NEK7: variants seen among roughly 807,000 people sequenced by gnomAD.
NEK7 encodes the protein serine/threonine-protein kinase Nek7.
A neutral mutation model predicts 44.6 loss-of-function variants in NEK7; 18 were observed. That is an observed-to-expected ratio of 0.40 (90% CI 0.28 to 0.60). The LOEUF is 0.60. Among genes scored for constraint, NEK7 ranks in the 20% least tolerant of loss-of-function variants. The pLI is 0.38. For synonymous variants in NEK7, 130 were observed against 121.1 expected (o/e 1.07, Z -0.48); for missense variants, 256 against 366.5 (o/e 0.70, Z 2.46).
intron 9 of NEK7, among the ~76,000 whole-genome samples, chr1:198,315,024 C>T (rs1166461715): frequency 2.0e-5 from 3 of 152,178 alleles, no homozygotes; most frequent in African/African-American, 7.2e-5. Context: ...GGGCGCCCCT[C>T]CCCCAGCCTC....
chr1:198,167,617 C>T (rs1425378389), intron 1 of NEK7, among the ~76,000 whole-genome samples: 1 of 152,188 alleles, frequency 6.6e-6, no homozygotes, highest in African/African-American at 2.4e-5. Context: ...CAAAATTTCT[C>T]TCAACTGGGT....
chr1:198,218,576 C>A (rs1338042966), intron 1 of NEK7, among the ~76,000 whole-genome samples: 2 of 151,274 alleles, frequency 1.3e-5, no homozygotes, highest in African/African-American at 4.9e-5. Flanking sequence ...TAAATGGGAC[C>A]AAATTAAATT....
intron 1 of NEK7, among the ~76,000 whole-genome samples, chr1:198,183,074 T>A (rs1164846312): frequency 3.3e-5 from 5 of 152,192 alleles, no homozygotes; most frequent in African/African-American, 1.2e-4. Context: ...TGGGCCAGTT[T>A]GGCAGAAATA....
intron 4 of NEK7, 38 bp from the exon 5 acceptor site, chr1:198,264,087 A>G (rs1365140334): frequency 3.2e-6 from 5 of 1,557,806 alleles, no homozygotes; most frequent in Non-Finnish European, 4.3e-6. Flanking sequence ...GGATATTTAC[A>G]GTAAGAAAAC....
intron 7 of NEK7, among the ~76,000 whole-genome samples, chr1:198,279,430 A>T (rs946690064): frequency 5.9e-5 from 9 of 151,998 alleles, no homozygotes; most frequent in Non-Finnish European, 1.2e-4. Flanking sequence ...TAGTTTGTAA[A>T]TTTTTATTTA....
intron 3 of NEK7, among the ~76,000 whole-genome samples, chr1:198,262,004 C>T (rs1279403362): frequency 6.6e-6 from 1 of 151,790 alleles, no homozygotes; most frequent in Non-Finnish European, 1.5e-5. Context: ...TTTTCACCCC[C>T]TTGGAATGAT....
intron 9 of NEK7, among the ~76,000 whole-genome samples, chr1:198,298,147 A>G (rs2103015652): frequency 6.6e-6 from 1 of 152,334 alleles, no homozygotes; most frequent in Non-Finnish European, 1.5e-5. Flanking sequence ...AGGACATCGC[A>G]CCTTCTCATG....
At chr1:198,223,430 T>G (rs991187848) in intron 1 of NEK7, among the ~76,000 whole-genome samples, 1 of 152,224 alleles carries the variant, frequency 6.6e-6, no homozygotes, top group Non-Finnish European at 1.5e-5. Context: ...AGAGTATTAT[T>G]CTTATCAAAT....
chr1:198,255,194 T>G (rs534013588), intron 3 of NEK7, among the ~76,000 whole-genome samples: 2 of 152,268 alleles, frequency 1.3e-5, no homozygotes, highest in Admixed American at 1.3e-4. Context: ...ACAGAGGAAT[T>G]TGAACCGTAG....
chr1:198,237,398 C>T (rs1447142615), intron 2 of NEK7, among the ~76,000 whole-genome samples: 1 of 152,040 alleles, frequency 6.6e-6, no homozygotes, highest in Non-Finnish European at 1.5e-5. Flanking sequence ...TAATGCTGCC[C>T]AAACTGAATT....
intron 2 of NEK7, among the ~76,000 whole-genome samples, chr1:198,246,688 T>C (rs999960523): frequency 6.6e-6 from 1 of 152,274 alleles, no homozygotes; most frequent in Non-Finnish European, 1.5e-5. Flanking sequence ...AAGACTTTGC[T>C]CTCAGCATGC....
Position 198,311,280 on chromosome 1 carries a change from A to G in NEK7, c.799-8132A>G, listed in dbSNP as rs565405254. Among the ~76,000 whole-genome samples, 289 of 107,130 alleles carry G rather than the reference A, an allele frequency of 2.7e-3. 1 individual carries two copies. The highest frequency in any genetic ancestry group is 0.014 in the African/African-American group (271 of 19,920). The allele number at this position is 107,130 out of a possible 152,430, so 70.3% of individuals were successfully genotyped here. On this transcript the variant is annotated intron_variant, in intron 9 of 9. Transcript: ENST00000367385. ...ATAAGAATGCTTGTGATTTTTGTAC[A>G]TTGATTTTGTATCCTGAGACTTTGC...
chr1:198,157,961 A>G (rs888431396), intron 1 of NEK7, among the ~76,000 whole-genome samples: 1 of 152,218 alleles, frequency 6.6e-6, no homozygotes, highest in Non-Finnish European at 1.5e-5. Context: ...GCCAAAGGAA[A>G]ACAGAGAAAA....
At chr1:198,180,932 A>G (rs1234842407) in intron 1 of NEK7, among the ~76,000 whole-genome samples, 1 of 152,086 alleles carries the variant, frequency 6.6e-6, no homozygotes, top group Non-Finnish European at 1.5e-5. Context: ...TACATTCATA[A>G]TATGATTGAC....
chr1:198,306,212 C>G (rs1382894546), intron 9 of NEK7, among the ~76,000 whole-genome samples: 1 of 151,572 alleles, frequency 6.6e-6, no homozygotes, highest in Non-Finnish European at 1.5e-5. Flanking sequence ...AATAGTTTTT[C>G]TTTACTCAAG....
chr1:198,252,568 A>ATATATATAT (rs1491101432), intron 2 of NEK7, among the ~76,000 whole-genome samples: 799 of 63,074 alleles, frequency 0.013, 58 homozygotes, highest in East Asian at 0.052. Context: ...ATATATATAT[A>ATATATATAT]AAAAGTACAT....
At chr1:198,312,026 C>T (rs1276495676) in intron 9 of NEK7, among the ~76,000 whole-genome samples, 1 of 152,170 alleles carries the variant, frequency 6.6e-6, no homozygotes, top group African/African-American at 2.4e-5. Context: ...CCTGTTCCTC[C>T]TTGTACCTCT....
At chr1:198,232,142 G>C (rs1456727525) in intron 1 of NEK7, among the ~76,000 whole-genome samples, 1 of 152,088 alleles carries the variant, frequency 6.6e-6, no homozygotes, top group Non-Finnish European at 1.5e-5. Flanking sequence ...TTGGATAAAA[G>C]AAAGTACTAA....
intron 2 of NEK7, among the ~76,000 whole-genome samples, chr1:198,241,419 G>A (rs1197788652): frequency 6.6e-6 from 1 of 152,186 alleles, no homozygotes; most frequent in Non-Finnish European, 1.5e-5. Flanking sequence ...AGGAGGAGGA[G>A]TTTCTAGTAC....
Sources: allele counts gnomAD v4.1 joint callset (sites outside exome capture counted in the v4.1 genomes callset), GRCh38; gene constraint gnomAD v4.1.1; transcripts MANE v1.5; gene names NCBI Gene and HGNC (gene_info 2026-07-23, HGNC 2026-07-21).